TEX2: variants seen among roughly 807,000 people sequenced by gnomAD.
TEX2 encodes testis-expressed protein 2.
TEX2 carries 53 observed loss-of-function variants against 106.9 expected under a neutral mutation model. The ratio of observed to expected loss-of-function variants is 0.50; its 90% CI spans 0.40 to 0.62. The LOEUF is 0.62. TEX2 is among the 20% of genes least tolerant of loss of function. The pLI, the probability that TEX2 is intolerant of heterozygous loss-of-function variation, is 0.00. For missense variants in TEX2, 1,207 were observed against 1,379.0 expected (o/e 0.88, Z 1.98); for synonymous variants, 523 against 534.8 (o/e 0.98, Z 0.30).
intron 2 of TEX2, among the ~76,000 whole-genome samples, chr17:64,207,097 C>T (rs1412036875): frequency 2.6e-5 from 4 of 152,206 alleles, no homozygotes; most frequent in Non-Finnish European, 1.5e-5. Context: ...CAAAAACTTT[C>T]CTTTTCTCCA....
rs2032945443 is a variant in TEX2 at position 64,209,954 on chromosome 17, T to C, written c.1644+2620A>G. 2.6e-5 allele frequency among the ~76,000 whole-genome samples: 4 copies of C among 152,306 alleles called. No individual in the cohort carries two copies. The South Asian group carries it at 8.3e-4, about 32-fold the overall frequency. On this transcript the variant is annotated intron_variant, in intron 2 of 11. Transcript: ENST00000584379. Reference sequence around the variant, plus strand: ...TCTTGACATATCACAGTGATTGGATTGACACTAAGTAATTTACATCTGAGA... The same window carrying C: ...TCTTGACATATCACAGTGATTGGATCGACACTAAGTAATTTACATCTGAGA...
At chr17:64,254,962 A>G (rs1598233850) in intron 1 of TEX2, among the ~76,000 whole-genome samples, 1 of 151,736 alleles carries the variant, frequency 6.6e-6, no homozygotes, top group Non-Finnish European at 1.5e-5. Flanking sequence ...CCCAGGCTTA[A>G]GCAATCCTCC....
At chr17:64,245,383 G>A (rs2033967345) in intron 1 of TEX2, among the ~76,000 whole-genome samples, 2 of 152,126 alleles carry the variant, frequency 1.3e-5, no homozygotes, top group Non-Finnish European at 2.9e-5. Flanking sequence ...CACATACAGA[G>A]CAGAGATCCT....
intron 1 of TEX2, among the ~76,000 whole-genome samples, chr17:64,242,654 G>C (rs782371344): frequency 6.6e-6 from 1 of 152,142 alleles, no homozygotes; most frequent in Non-Finnish European, 1.5e-5. Flanking sequence ...CAGCCTGTGA[G>C]AAAGTACAGC....
At chr17:64,177,057 C>G (rs1017097664) in intron 6 of TEX2, among the ~76,000 whole-genome samples, 11 of 152,128 alleles carry the variant, frequency 7.2e-5, no homozygotes, top group Non-Finnish European at 1.5e-4. Context: ...CACATTTTCC[C>G]AAACTAAATT....
At chr17:64,150,643 T>C (rs1402081957) in intron 11 of TEX2, 198 bp downstream of exon 11, 1 of 449,832 alleles carries the variant, frequency 2.2e-6, no homozygotes, top group East Asian at 4.2e-5. Context: ...TTAGTAATGT[T>C]CTGTGGATAA....
chr17:64,234,070 A>G (rs1205630514), intron 1 of TEX2, among the ~76,000 whole-genome samples: 1 of 152,242 alleles, frequency 6.6e-6, no homozygotes, highest in Admixed American at 6.5e-5. Flanking sequence ...GGCAGAAATA[A>G]GGGGTAAGGA....
intron 5 of TEX2, among the ~76,000 whole-genome samples, chr17:64,182,932 G>T (rs2031937263): frequency 6.6e-6 from 1 of 150,554 alleles, no homozygotes; most frequent in Non-Finnish European, 1.5e-5. Context: ...TTAAAACAGA[G>T]TCTTGCTGTG....
intron 5 of TEX2, among the ~76,000 whole-genome samples, chr17:64,183,541 C>G (rs2031961953): frequency 6.6e-6 from 1 of 152,166 alleles, no homozygotes; most frequent in South Asian, 2.1e-4. Context: ...ATTCTCGTGC[C>G]TCAGCCTCCC....
intron 2 of TEX2, among the ~76,000 whole-genome samples, chr17:64,203,570 T>C (rs1163826619): frequency 1.3e-5 from 2 of 152,136 alleles, no homozygotes; most frequent in East Asian, 3.8e-4. Context: ...AGTTTGAGAA[T>C]ATGGCAGGGG....
chr17:64,161,894 G>A (rs1486683305), intron 7 of TEX2, among the ~76,000 whole-genome samples: 1 of 152,016 alleles, frequency 6.6e-6, no homozygotes, highest in Non-Finnish European at 1.5e-5. Flanking sequence ...AAAGGAAGCA[G>A]GAAATTAATC....
At chr17:64,176,162 T>C (rs1209583038) in intron 6 of TEX2, among the ~76,000 whole-genome samples, 4 of 152,286 alleles carry the variant, frequency 2.6e-5, no homozygotes, top group South Asian at 2.1e-4. Flanking sequence ...AAATCCACCC[T>C]TCTGGCTCAG....
Position 64,243,223 on chromosome 17 carries a change from G to A in TEX2, c.-26+19945C>T, listed in dbSNP as rs147689989. ...ATTACAGGCGTGAGCCACCACACCC[G>A]GCCAAAAATTTTTTTAAAGATAAAG... is the stretch of plus-strand genomic sequence containing the variant. On this transcript the variant is annotated intron_variant, in intron 1 of 11. Transcript: ENST00000584379. Among the ~76,000 whole-genome samples the A allele has an allele frequency of 6.7e-3, 1,025 of 151,898 alleles. 10 individuals carry two copies. Among genetic ancestry groups the A allele is most frequent in the African/African-American group, 0.023 (970 of 41,430 alleles).
chr17:64,245,700 G>GAA (rs2033974115), intron 1 of TEX2, among the ~76,000 whole-genome samples: 1 of 152,002 alleles, frequency 6.6e-6, no homozygotes, highest in Non-Finnish European at 1.5e-5. Context: ...CTAAACCTTT[G>GAA]ACTTTGGAAT....
At chr17:64,240,884 A>G (rs559713515) in intron 1 of TEX2, among the ~76,000 whole-genome samples, 1 of 152,344 alleles carries the variant, frequency 6.6e-6, no homozygotes, top group East Asian at 1.9e-4. Context: ...CTGGAGTAAT[A>G]GGAATAACTT....
intron 4 of TEX2, 62 bp from the exon 5 acceptor site, chr17:64,188,477 C>G: frequency 1.3e-6 from 2 of 1,506,834 alleles, no homozygotes; most frequent in Non-Finnish European, 1.8e-6. Flanking sequence ...AGTAAGCGGA[C>G]TCCCTGAGAA....
intron 1 of TEX2, among the ~76,000 whole-genome samples, chr17:64,232,257 A>C (rs1003936320): frequency 5.3e-5 from 8 of 152,210 alleles, no homozygotes; most frequent in African/African-American, 1.9e-4. Context: ...GTTTGATTTC[A>C]GTGAAAAGCT....
chr17:64,188,347 T>G lies in TEX2; in HGVS notation c.2245A>C (p.Lys749Gln). Reference protein sequence around the residue: ...GHLTHSRSSSKGSVEEIMSQP... With the variant: ...GHLTHSRSSSQGSVEEIMSQP... Reference sequence around the variant, plus strand: ...GACATGATCTCCTCCACACTGCCTTTGCTGCTGCTGCGGCTGTGGGTCAGG... The same window carrying G: ...GACATGATCTCCTCCACACTGCCTTGGCTGCTGCTGCGGCTGTGGGTCAGG... Residue 749 changes from lysine (K) to glutamine (Q), a missense_variant, in exon 5 of 12, where the codon AAA becomes CAA. Around this residue, in one of 3 missense-constraint regions of TEX2, gnomAD observed 1,067 missense variants for 1,193.6 expected, o/e 0.89. Transcript: ENST00000584379. The G allele has an allele frequency of 6.2e-7, 1 of 1,614,178 alleles. No homozygotes were observed. The highest frequency in any genetic ancestry group is 8.5e-7 in the Non-Finnish European group (1 of 1,180,018).
chr17:64,246,370 T>G (rs2033987992), intron 1 of TEX2, among the ~76,000 whole-genome samples: 1 of 152,130 alleles, frequency 6.6e-6, no homozygotes, highest in Admixed American at 6.5e-5. Flanking sequence ...CTCAGCCTCC[T>G]GAGTAGCTGT....
Sources: allele counts gnomAD v4.1 joint callset (sites outside exome capture counted in the v4.1 genomes callset), GRCh38; gene constraint gnomAD v4.1.1; regional missense constraint gnomAD v4.1.1; transcripts MANE v1.5; gene names NCBI Gene and HGNC (gene_info 2026-07-23, HGNC 2026-07-21).